CTNNA3: variants seen among roughly 807,000 people sequenced by gnomAD.
The protein encoded by CTNNA3 is catenin alpha-3.
Under a neutral mutation model 95.7 loss-of-function variants are expected in CTNNA3, and 76 were observed. That is an observed-to-expected ratio of 0.79 (90% CI 0.66 to 0.96). CTNNA3 has a LOEUF of 0.96. Ranked by LOEUF, CTNNA3 falls within the 40% of genes least tolerant of loss-of-function variation. The probability of loss-of-function intolerance (pLI) is 0.00; values close to 1 mark genes in which losing one functional copy is unlikely to be tolerated. For missense variants in CTNNA3, 1,191 were observed against 1,089.8 expected, an observed-to-expected ratio of 1.09 and a Z score of -1.31; for synonymous variants, 431 against 374.4, an observed-to-expected ratio of 1.15 and a Z score of -1.74.
At chr10:67,358,803 G>A (rs910469019) in intron 5 of CTNNA3, among the ~76,000 whole-genome samples, 17 of 152,024 alleles carry the variant, frequency 1.1e-4, no homozygotes, top group Admixed American at 9.2e-4. Flanking sequence ...GCCCACCAGG[G>A]ACCCCCTTGG....
intron 7 of CTNNA3, among the ~76,000 whole-genome samples, chr10:66,947,250 G>T (rs910986571): frequency 2.6e-5 from 4 of 152,144 alleles, no homozygotes; most frequent in African/African-American, 7.2e-5. Context: ...ATTACTCTCT[G>T]ATTACTCTCT....
intron 11 of CTNNA3, among the ~76,000 whole-genome samples, chr10:66,434,516 G>C (rs899767138): frequency 1.3e-5 from 2 of 152,180 alleles, no homozygotes; most frequent in African/African-American, 2.4e-5. Context: ...CTCTGCTGAA[G>C]TTGCTTATCA....
At chr10:67,493,478 C>T (rs1053623641) in intron 5 of CTNNA3, among the ~76,000 whole-genome samples, 3 of 149,942 alleles carry the variant, frequency 2.0e-5, no homozygotes, top group South Asian at 2.1e-4. Flanking sequence ...AGGGGAATGG[C>T]GTGAACCCGG....
chr10:66,468,801 C>T (rs2135699), intron 11 of CTNNA3, among the ~76,000 whole-genome samples: 30,928 of 151,574 alleles, frequency 0.2, 5,962 homozygotes, highest in East Asian at 0.81. Flanking sequence ...GCACTTATAA[C>T]GCCACAGTCC....
chr10:66,737,579 A>AT (rs1419062182), intron 9 of CTNNA3, among the ~76,000 whole-genome samples: 1 of 151,938 alleles, frequency 6.6e-6, no homozygotes, highest in South Asian at 2.1e-4. Flanking sequence ...TTGAAATGCA[A>AT]TTTTTTTCCC....
intron 10 of CTNNA3, among the ~76,000 whole-genome samples, chr10:66,606,225 A>G (rs1443493517): frequency 6.6e-6 from 1 of 152,188 alleles, no homozygotes; most frequent in Non-Finnish European, 1.5e-5. Flanking sequence ...AGACCTCACT[A>G]TCCTGAATAT....
chr10:67,323,767 T>C (rs1458433916), intron 5 of CTNNA3, among the ~76,000 whole-genome samples: 1 of 152,118 alleles, frequency 6.6e-6, no homozygotes, highest in Non-Finnish European at 1.5e-5. Context: ...TTAATAGAAA[T>C]AGCATCAAAT....
intron 12 of CTNNA3, among the ~76,000 whole-genome samples, chr10:66,288,940 T>C (rs1436100684): frequency 6.6e-6 from 1 of 152,078 alleles, no homozygotes; most frequent in Non-Finnish European, 1.5e-5. Context: ...GTATCTTCCT[T>C]GGTATAAATA....
At chr10:66,621,249 T>C (rs148566260) in intron 10 of CTNNA3, among the ~76,000 whole-genome samples, 2 of 152,186 alleles carry the variant, frequency 1.3e-5, no homozygotes, top group East Asian at 1.9e-4. Context: ...GATTCCAATA[T>C]GGCCACTTAA....
chr10:66,763,476 G>A (rs368494998), intron 9 of CTNNA3, among the ~76,000 whole-genome samples: 1 of 151,372 alleles, frequency 6.6e-6, no homozygotes, highest in Admixed American at 6.6e-5. Context: ...TCTCTCAGTT[G>A]AAAAAAAAAT....
At chr10:67,091,486 A>G (rs1857635175) in intron 7 of CTNNA3, among the ~76,000 whole-genome samples, 1 of 151,714 alleles carries the variant, frequency 6.6e-6, no homozygotes, top group African/African-American at 2.4e-5. Flanking sequence ...AGACATGACC[A>G]CCCCCCAAAA....
At chr10:67,392,596 C>T (rs186663830) in intron 5 of CTNNA3, among the ~76,000 whole-genome samples, 73 of 152,294 alleles carry the variant, frequency 4.8e-4, no homozygotes, top group Admixed American at 3.3e-3. Flanking sequence ...GCTATAAAGA[C>T]GCATGCACAC....
chr10:66,705,938 T>C (rs1848102184), intron 9 of CTNNA3, among the ~76,000 whole-genome samples: 1 of 152,106 alleles, frequency 6.6e-6, no homozygotes, highest in African/African-American at 2.4e-5. Context: ...CACAAGTATT[T>C]TCAAGCCAGT....
chr10:66,499,300 G>A (rs1840200353), intron 11 of CTNNA3, among the ~76,000 whole-genome samples: 1 of 152,162 alleles, frequency 6.6e-6, no homozygotes, highest in African/African-American at 2.4e-5. Flanking sequence ...GACAGCCAAA[G>A]AGGAAGGGAC....
chr10:67,488,773 A>C (rs923405926), intron 5 of CTNNA3, among the ~76,000 whole-genome samples: 1 of 149,962 alleles, frequency 6.7e-6, no homozygotes, highest in African/African-American at 2.5e-5. Context: ...AGGCTCAAGC[A>C]ATTCTCCTGT....
intron 7 of CTNNA3, chr10:67,052,796 CTTTTTT>C (rs1310956316): frequency 1.3e-5 from 2 of 151,888 alleles, no homozygotes; most frequent in Admixed American, 1.3e-4. Context: ...AATCCTTTCT[CTTTTTT>C]TTAAGTTTTA....
chr10:66,525,558 C>G (rs1162525268), intron 10 of CTNNA3, among the ~76,000 whole-genome samples: 2 of 152,020 alleles, frequency 1.3e-5, no homozygotes, highest in African/African-American at 4.8e-5. Flanking sequence ...AGTGATGATC[C>G]TTGAAACCAT....
At chr10:65,976,846 T>C (rs1176505864) in intron 16 of CTNNA3, among the ~76,000 whole-genome samples, 3 of 152,162 alleles carry the variant, frequency 2.0e-5, no homozygotes, top group Non-Finnish European at 4.4e-5. Context: ...GAGTTCTGCA[T>C]GTTTCTTATA....
At chr10:67,264,671 T>G (rs970292364) in intron 5 of CTNNA3, among the ~76,000 whole-genome samples, 1 of 152,190 alleles carries the variant, frequency 6.6e-6, no homozygotes, top group African/African-American at 2.4e-5. Context: ...TCATCTTTTA[T>G]GTGTTTGTTT....
Sources: gnomAD v4.1 joint callset for allele counts (sites outside exome capture counted in the v4.1 genomes callset) on GRCh38, gnomAD v4.1.1 for gene constraint, MANE v1.5 for transcripts, NCBI Gene and HGNC (gene_info 2026-07-23, HGNC 2026-07-21) for gene names.